TGFBR2: variants seen among roughly 807,000 people sequenced by gnomAD.
TGFBR2 encodes TGF-beta receptor type-2.
In TGFBR2, 18 loss-of-function variants were observed where a neutral mutation model predicts 49.0. The observed-to-expected ratio is 0.37, with a 90% CI of 0.25 to 0.54. The LOEUF (loss-of-function observed/expected upper bound fraction) is 0.54. Among genes scored for constraint, TGFBR2 ranks in the 20% least tolerant of loss-of-function variants. The probability of loss-of-function intolerance (pLI) is 0.85; values close to 1 mark genes in which losing one functional copy is unlikely to be tolerated. For missense variants in TGFBR2, 525 were observed against 722.6 expected (o/e 0.73, Z 3.13); for synonymous variants, 282 against 275.9 (o/e 1.02, Z -0.22).
chr3:30,623,687 G>C (rs991816416), intron 1 of TGFBR2, among the ~76,000 whole-genome samples: 5 of 152,206 alleles, frequency 3.3e-5, no homozygotes, highest in Non-Finnish European at 2.9e-5. Context: ...CAGTCCTGTA[G>C]TTTTGCCCCT....
intron 3 of TGFBR2, among the ~76,000 whole-genome samples, chr3:30,668,476 G>T (rs1025757412): frequency 1.3e-5 from 2 of 152,172 alleles, no homozygotes; most frequent in African/African-American, 4.8e-5. Context: ...TGGAAATGCC[G>T]ACTGCTGGAT....
chr3:30,684,343 T>C (rs547806392), intron 5 of TGFBR2, among the ~76,000 whole-genome samples: 3 of 152,090 alleles, frequency 2.0e-5, no homozygotes, highest in South Asian at 4.1e-4. Flanking sequence ...CAAAAATCCA[T>C]AATTAGAAAG....
intron 1 of TGFBR2, among the ~76,000 whole-genome samples, chr3:30,639,872 C>A (rs1416891910): frequency 6.6e-6 from 1 of 152,190 alleles, no homozygotes; most frequent in Non-Finnish European, 1.5e-5. Context: ...TATTGTTAAA[C>A]CTTGAGATTT....
At chr3:30,688,610 T>G in intron 6 of TGFBR2, 99 bp downstream of exon 6, 67 of 1,515,860 alleles carry the variant, frequency 4.4e-5, no homozygotes, top group Non-Finnish European at 5.4e-5. Flanking sequence ...TGAGGGAAGG[T>G]CCCATTGTGT....
intron 1 of TGFBR2, among the ~76,000 whole-genome samples, chr3:30,639,771 A>G (rs1698611445): frequency 6.6e-6 from 1 of 152,242 alleles, no homozygotes; most frequent in Non-Finnish European, 1.5e-5. Context: ...AACACTCCAG[A>G]AAACAACAGT....
Position 30,693,345 on chromosome 3 carries a change from A to G in TGFBR2, c.*1746A>G, listed in dbSNP as rs185309141. On this transcript the variant is annotated 3_prime_UTR_variant, in exon 7 of 7. Transcript: ENST00000295754. Reference sequence around the variant, plus strand: ...AGTTAGAAAATTTGTGTCCACAAGGACAAGAACAAAGTATGAGCTTTAAAA... The same window carrying G: ...AGTTAGAAAATTTGTGTCCACAAGGGCAAGAACAAAGTATGAGCTTTAAAA... 12 of 233,810 alleles carry G rather than the reference A, an allele frequency of 5.1e-5. No individual in the cohort carries two copies. The Admixed American group carries it at 6.2e-4, about 12-fold the overall frequency. 14.5% of individuals were successfully genotyped at this position (233,810 alleles called of 1,614,324 possible).
chr3:30,673,972 C>G, intron 4 of TGFBR2, 133 bp from the exon 5 acceptor site: 3 of 998,424 alleles, frequency 3.0e-6, no homozygotes, highest in Non-Finnish European at 3.1e-6. Flanking sequence ...GTGCATTTCT[C>G]ATTCTTTAAA....
chr3:30,641,820 T>TA (rs1461378596), intron 1 of TGFBR2, among the ~76,000 whole-genome samples: 2 of 152,102 alleles, frequency 1.3e-5, no homozygotes, highest in East Asian at 1.9e-4. Context: ...GGGGCCCCGT[T>TA]ACAGTGGTGC....
chr3:30,693,167 G>A lies in TGFBR2; in HGVS notation c.*1568G>A, dbSNP rs182312262. 3 of 233,390 alleles carry A rather than the reference G, an allele frequency of 1.3e-5. No individual in the cohort carries two copies. The allele number at this position is 233,390 out of a possible 1,614,324, so 14.5% of individuals were successfully genotyped here. On this transcript the variant is annotated 3_prime_UTR_variant, in exon 7 of 7. Transcript: ENST00000295754. ...TAGCCCAAGTTTCTTTTGCTTATAT[G>A]TTAATAGTTTTACCCTCTGCATTGG...
intron 2 of TGFBR2, among the ~76,000 whole-genome samples, chr3:30,649,608 T>C (rs939550813): frequency 6.6e-6 from 1 of 152,292 alleles, no homozygotes; most frequent in South Asian, 2.1e-4. Flanking sequence ...TTTATTTATT[T>C]GTTTTTTTTG....
chr3:30,628,542 T>TTG (rs1698379315), intron 1 of TGFBR2, among the ~76,000 whole-genome samples: 1 of 148,732 alleles, frequency 6.7e-6, no homozygotes, highest in African/African-American at 2.5e-5. Flanking sequence ...TTTTTTTTTT[T>TTG]TTTTTTTTTT....
chr3:30,669,859 C>T (rs982941816), intron 3 of TGFBR2, among the ~76,000 whole-genome samples: 2 of 152,222 alleles, frequency 1.3e-5, no homozygotes, highest in African/African-American at 4.8e-5. Flanking sequence ...GACTTCCATA[C>T]CCTTACTATC....
chr3:30,658,708 ATTTCT>A (rs886868046), intron 3 of TGFBR2, among the ~76,000 whole-genome samples: 2 of 152,300 alleles, frequency 1.3e-5, no homozygotes, highest in African/African-American at 4.8e-5. Flanking sequence ...TTGTTGTAGC[ATTTCT>A]TTTAAGTGAA....
At chr3:30,646,296 G>A (rs1490925908) in intron 2 of TGFBR2, among the ~76,000 whole-genome samples, 1 of 152,198 alleles carries the variant, frequency 6.6e-6, no homozygotes, top group African/African-American at 2.4e-5. Context: ...TTGCCAATAT[G>A]ATATGATACC....
At chr3:30,651,869 T>C (rs1279858774) in intron 3 of TGFBR2, among the ~76,000 whole-genome samples, 4 of 152,228 alleles carry the variant, frequency 2.6e-5, no homozygotes, top group Admixed American at 6.5e-5. Context: ...AGCGTGGTAG[T>C]GTAAATGTTA....
At chr3:30,628,767 T>C (rs2125459266) in intron 1 of TGFBR2, among the ~76,000 whole-genome samples, 1 of 152,094 alleles carries the variant, frequency 6.6e-6, no homozygotes, top group African/African-American at 2.4e-5. Flanking sequence ...CCTTTACAGG[T>C]TTCAGCTTGT....
intron 1 of TGFBR2, among the ~76,000 whole-genome samples, chr3:30,643,972 G>A (rs1394174274): frequency 6.6e-6 from 1 of 152,182 alleles, no homozygotes; most frequent in Non-Finnish European, 1.5e-5. Context: ...TGATGGTGGT[G>A]ATAAGGGAGA....
intron 1 of TGFBR2, among the ~76,000 whole-genome samples, chr3:30,631,914 G>A (rs1300108609): frequency 6.6e-6 from 1 of 152,004 alleles, no homozygotes; most frequent in East Asian, 1.9e-4. Flanking sequence ...TCCCAGCATG[G>A]TGAATTCTCC....
At chr3:30,612,691 A>T (rs1386518877) in intron 1 of TGFBR2, among the ~76,000 whole-genome samples, 1 of 152,008 alleles carries the variant, frequency 6.6e-6, no homozygotes, top group Non-Finnish European at 1.5e-5. Flanking sequence ...ATTTGCAAAG[A>T]TGTGTATTGT....
Sources: gnomAD v4.1 joint callset for allele counts (sites outside exome capture counted in the v4.1 genomes callset) on GRCh38, gnomAD v4.1.1 for gene constraint, MANE v1.5 for transcripts, NCBI Gene and HGNC (gene_info 2026-07-23, HGNC 2026-07-21) for gene names.